Variants in CACNB2 observed in about 807,000 individuals in gnomAD.
CACNB2 encodes voltage-dependent L-type calcium channel subunit beta-2.
CACNB2 carries 42 observed loss-of-function variants against 73.3 expected under a neutral mutation model. The ratio of observed to expected loss-of-function variants is 0.57; its 90% CI spans 0.45 to 0.74. The LOEUF (loss-of-function observed/expected upper bound fraction) is 0.74, where lower values mean the gene tolerates loss of function less well. CACNB2 is among the 30% of genes least tolerant of loss of function. The pLI is 0.00. For synonymous variants in CACNB2, 348 were observed against 310.3 expected (o/e 1.12, Z -1.28); for missense variants, 940 against 853.0 (o/e 1.10, Z -1.27).
chr10:18,452,515 C>T (rs1453703825), intron 3 of CACNB2, among the ~76,000 whole-genome samples: 1 of 152,184 alleles, frequency 6.6e-6, no homozygotes, highest in Non-Finnish European at 1.5e-5. Context: ...TTAATCTTTG[C>T]AAAAATAAAG....
rs190684016 is a variant in CACNB2 at position 18,245,866 on chromosome 10, A to G, written c.213+94891A>G. On this transcript the variant is annotated intron_variant, in intron 2 of 13. Coordinates refer to ENST00000324631, the MANE Select transcript of CACNB2 (RefSeq NM_201596.3). ...AGACCTTTCATTTATTTTTAATCTG[A>G]CCTTGCTTTTAAATGTGCATAGTGC... 1.7e-3 allele frequency among the ~76,000 whole-genome samples: 266 copies of G among 152,190 alleles called. 1 individual carries two copies. Among genetic ancestry groups the G allele is most frequent in the African/African-American group, 6.2e-3 (257 of 41,520 alleles).
chr10:18,400,753 T>A, intron 2 of CACNB2: 1 of 1,361,520 alleles, frequency 7.3e-7, no homozygotes, highest in Non-Finnish European at 9.5e-7. Flanking sequence ...AACGAGTTGA[T>A]GCTCGGCTTT....
chr10:18,288,007 G>A (rs549166235), intron 2 of CACNB2, among the ~76,000 whole-genome samples: 1 of 152,300 alleles, frequency 6.6e-6, no homozygotes, highest in South Asian at 2.1e-4. Context: ...ATCACGTGCT[G>A]TCTTCTCCTG....
intron 2 of CACNB2, among the ~76,000 whole-genome samples, chr10:18,216,585 G>T (rs1022420116): frequency 2.9e-5 from 3 of 104,888 alleles, no homozygotes; most frequent in African/African-American, 8.5e-5. Context: ...CTTAGTTTTT[G>T]TAAAACACTT....
At chr10:18,509,358 C>A (rs1384489679) in intron 6 of CACNB2, among the ~76,000 whole-genome samples, 1 of 152,158 alleles carries the variant, frequency 6.6e-6, no homozygotes, top group Non-Finnish European at 1.5e-5. Context: ...CTGTCAAGAA[C>A]TTGGAAAATT....
In CACNB2 at chr10:18,457,239, C is replaced by T. The variant is rs934349469; in HGVS notation, c.334-41116C>T. Reference sequence around the variant, plus strand: ...CTGGGTAACCAGGACTACAGACATGCGCCACCACAACCAACTAATTTTTCA... The same window carrying T: ...CTGGGTAACCAGGACTACAGACATGTGCCACCACAACCAACTAATTTTTCA... On this transcript the variant is annotated intron_variant, in intron 3 of 13. Coordinates refer to ENST00000324631, the MANE Select transcript of CACNB2 (RefSeq NM_201596.3). Among the ~76,000 whole-genome samples the T allele has an allele frequency of 3.9e-5, 6 of 152,048 alleles. 1 individual carries two copies. Among genetic ancestry groups the T allele is most frequent in the East Asian group, 3.9e-4 (2 of 5,170 alleles).
intron 2 of CACNB2, among the ~76,000 whole-genome samples, chr10:18,247,523 A>G (rs2036914890): frequency 6.6e-6 from 1 of 152,160 alleles, no homozygotes; most frequent in Non-Finnish European, 1.5e-5. Flanking sequence ...GTTGCCAAAT[A>G]TCCCAAATGA....
intron 2 of CACNB2, among the ~76,000 whole-genome samples, chr10:18,386,063 G>A (rs573670198): frequency 3.0e-4 from 45 of 152,270 alleles, no homozygotes; most frequent in African/African-American, 1.0e-3. Flanking sequence ...TCCATAAGGG[G>A]CAATGTGTGA....
At chr10:18,177,070 G>T (rs528581444) in intron 2 of CACNB2, among the ~76,000 whole-genome samples, 15 of 152,196 alleles carry the variant, frequency 9.9e-5, no homozygotes, top group African/African-American at 3.6e-4. Flanking sequence ...AAACCCTAAG[G>T]CTGGGGTTTA....
intron 2 of CACNB2, among the ~76,000 whole-genome samples, chr10:18,177,127 C>G (rs1588626427): frequency 6.6e-6 from 1 of 152,056 alleles, no homozygotes; most frequent in Non-Finnish European, 1.5e-5. Flanking sequence ...GCAGAAGTGC[C>G]TGTTAGAGTC....
At chr10:18,345,437 C>T (rs932679632) in intron 2 of CACNB2, among the ~76,000 whole-genome samples, 16 of 152,164 alleles carry the variant, frequency 1.1e-4, no homozygotes, top group East Asian at 1.9e-4. Flanking sequence ...TATTTCTGTG[C>T]GAATTGTTTC....
chr10:18,448,635 G>A (rs147843222), intron 3 of CACNB2, among the ~76,000 whole-genome samples: 37 of 152,202 alleles, frequency 2.4e-4, no homozygotes, highest in African/African-American at 3.4e-4. Flanking sequence ...CCTAAGAACC[G>A]GCCTTTCTAA....
intron 2 of CACNB2, among the ~76,000 whole-genome samples, chr10:18,350,630 A>C (rs2041668308): frequency 1.3e-5 from 2 of 152,188 alleles, no homozygotes; most frequent in Admixed American, 1.3e-4. Flanking sequence ...GCAGGAGGTG[A>C]GATTGCCCAT....
chr10:18,163,122 A>G (rs545795281), intron 2 of CACNB2, among the ~76,000 whole-genome samples: 2 of 152,286 alleles, frequency 1.3e-5, no homozygotes, highest in African/African-American at 4.8e-5. Context: ...AAAATCAAGC[A>G]TCGTAAAGGA....
At chr10:18,296,666 C>CA (rs1668041115) in intron 2 of CACNB2, among the ~76,000 whole-genome samples, 1 of 152,128 alleles carries the variant, frequency 6.6e-6, no homozygotes, top group African/African-American at 2.4e-5. Context: ...TTTTAAAAAT[C>CA]AAAGTTCAAA....
intron 2 of CACNB2, among the ~76,000 whole-genome samples, chr10:18,205,253 AC>A (rs1288294817): frequency 6.6e-6 from 1 of 152,226 alleles, no homozygotes; most frequent in African/African-American, 2.4e-5. Context: ...TGGGAAGGTT[AC>A]ATCCCTTTGC....
chr10:18,238,050 C>G (rs982511751), intron 2 of CACNB2, among the ~76,000 whole-genome samples: 6 of 152,144 alleles, frequency 3.9e-5, no homozygotes, highest in African/African-American at 1.4e-4. Context: ...CTCTAGAGTT[C>G]TTCCAGATGG....
intron 1 of CACNB2, among the ~76,000 whole-genome samples, chr10:18,143,039 A>G (rs1458173601): frequency 6.6e-6 from 1 of 152,234 alleles, no homozygotes; most frequent in Non-Finnish European, 1.5e-5. Context: ...TCCCAGAAGT[A>G]AGAAGTCTTA....
intron 5 of CACNB2, among the ~76,000 whole-genome samples, chr10:18,503,708 G>A (rs77610370): frequency 0.11 from 16,992 of 152,102 alleles, 1,227 homozygotes; most frequent in Middle Eastern, 0.2. Context: ...TCCCAGCTGG[G>A]GGTGTTTTGT....
Sources: allele counts gnomAD v4.1 joint callset (sites outside exome capture counted in the v4.1 genomes callset), GRCh38; gene constraint gnomAD v4.1.1; transcripts MANE v1.5; gene names NCBI Gene and HGNC (gene_info 2026-07-23, HGNC 2026-07-21).